Variants in SENP7 observed in about 807,000 individuals in gnomAD.
SENP7 encodes SUMO specific peptidase 7.
A neutral mutation model predicts 141.2 loss-of-function variants in SENP7; 64 were observed. That is an observed-to-expected ratio of 0.45 (90% CI 0.37 to 0.56). SENP7 has a LOEUF of 0.56. SENP7 is among the 20% of genes least tolerant of loss of function. The pLI is 0.00. For synonymous variants in SENP7, 382 were observed against 426.4 expected, an observed-to-expected ratio of 0.90 and a Z score of 1.28; for missense variants, 1,025 against 1,212.2, an observed-to-expected ratio of 0.85 and a Z score of 2.29.
intron 12 of SENP7, among the ~76,000 whole-genome samples, chr3:101,349,506 G>A (rs1232233041): frequency 6.6e-6 from 1 of 152,048 alleles, no homozygotes; most frequent in Non-Finnish European, 1.5e-5. Flanking sequence ...TGTGGTGTTT[G>A]GTTTTTTGTC....
intron 23 of SENP7, among the ~76,000 whole-genome samples, chr3:101,327,031 A>AT (rs377204007): frequency 1.1e-3 from 160 of 149,114 alleles, no homozygotes; most frequent in African/African-American, 2.4e-3. Context: ...CGTCTATTTG[A>AT]TTTTTTTTTT....
chr3:101,448,125 C>A (rs950391209), intron 4 of SENP7, among the ~76,000 whole-genome samples: 1 of 152,088 alleles, frequency 6.6e-6, no homozygotes, highest in Non-Finnish European at 1.5e-5. Flanking sequence ...AATCTAAGAG[C>A]TAAAACTATA....
chr3:101,471,307 T>C (rs570655252), intron 3 of SENP7, among the ~76,000 whole-genome samples: 10 of 151,972 alleles, frequency 6.6e-5, no homozygotes, highest in Middle Eastern at 3.4e-3. Context: ...AACAGAGATA[T>C]AGACCAATGG....
chr3:101,368,860 G>A (rs969237159), intron 7 of SENP7, among the ~76,000 whole-genome samples: 2 of 152,102 alleles, frequency 1.3e-5, no homozygotes, highest in Non-Finnish European at 2.9e-5. Context: ...ATTTTTAGTG[G>A]AAAGGGACTA....
In SENP7 at chr3:101,466,210, AT is replaced by A. The variant is rs2063753076; in HGVS notation, c.187-7159del. Among the ~76,000 whole-genome samples the A allele has an allele frequency of 2.6e-5, 4 of 152,208 alleles. No homozygotes were observed. In the South Asian group the frequency reaches 8.3e-4, roughly 31 times the overall value. ...AAATGGAAGAAAACATTTGAAAAAA[AT>A]AATAGCTGAAAACTTCCCAAGTCTT... On this transcript the variant is annotated intron_variant, in intron 3 of 23. Coordinates refer to ENST00000394095, the MANE Select transcript of SENP7 (RefSeq NM_020654.5).
At chr3:101,441,248 G>A (rs1294100997) in intron 4 of SENP7, among the ~76,000 whole-genome samples, 2 of 152,102 alleles carry the variant, frequency 1.3e-5, no homozygotes, top group East Asian at 3.9e-4. Context: ...TGCTGCCAGT[G>A]CCCAACAGCA....
At chr3:101,401,752 G>C (rs1307444188) in intron 5 of SENP7, among the ~76,000 whole-genome samples, 1 of 152,108 alleles carries the variant, frequency 6.6e-6, no homozygotes, top group African/African-American at 2.4e-5. Flanking sequence ...CAGAAGAAAA[G>C]TTGGTTTACA....
intron 4 of SENP7, among the ~76,000 whole-genome samples, chr3:101,455,034 C>G (rs1480369201): frequency 2.0e-5 from 3 of 151,982 alleles, no homozygotes. Flanking sequence ...TAAAAAAGCA[C>G]TAAAAAGTAT....
intron 4 of SENP7, among the ~76,000 whole-genome samples, chr3:101,450,445 T>C (rs1559846030): frequency 6.6e-6 from 1 of 152,094 alleles, no homozygotes; most frequent in Non-Finnish European, 1.5e-5. Context: ...TATTCCAAAA[T>C]TGATCACATA....
At chr3:101,422,455 G>A (rs2061819677) in intron 4 of SENP7, among the ~76,000 whole-genome samples, 1 of 152,114 alleles carries the variant, frequency 6.6e-6, no homozygotes, top group Non-Finnish European at 1.5e-5. Context: ...TCATTGAACT[G>A]TTTACCTTTT....
intron 3 of SENP7, among the ~76,000 whole-genome samples, chr3:101,491,766 C>A (rs76661926): frequency 6.6e-6 from 1 of 152,122 alleles, no homozygotes; most frequent in Non-Finnish European, 1.5e-5. Context: ...ATACTGAGGA[C>A]AAATCTCTCC....
chr3:101,486,434 A>C (rs573916567), intron 3 of SENP7, among the ~76,000 whole-genome samples: 1 of 152,346 alleles, frequency 6.6e-6, no homozygotes, highest in East Asian at 1.9e-4. Context: ...AGAAGCTAGA[A>C]GGGAATTGGG....
At chr3:101,421,391 A>G (rs2061787932) in intron 4 of SENP7, among the ~76,000 whole-genome samples, 1 of 152,200 alleles carries the variant, frequency 6.6e-6, no homozygotes, top group Non-Finnish European at 1.5e-5. Flanking sequence ...AATGCAAACA[A>G]AACTTTAAGG....
At chr3:101,425,712 T>G (rs1002189483) in intron 4 of SENP7, among the ~76,000 whole-genome samples, 2 of 152,076 alleles carry the variant, frequency 1.3e-5, no homozygotes, top group Non-Finnish European at 2.9e-5. Context: ...GGAATGAAAA[T>G]CATTGAGATG....
intron 4 of SENP7, chr3:101,457,744 T>C: frequency 2.4e-6 from 2 of 818,290 alleles, no homozygotes; most frequent in South Asian, 1.6e-5. Flanking sequence ...TCAGAGCAGA[T>C]AAGGGGCCAT....
intron 3 of SENP7, among the ~76,000 whole-genome samples, chr3:101,479,646 T>C (rs1576478000): frequency 6.7e-6 from 1 of 149,474 alleles, no homozygotes; most frequent in Non-Finnish European, 1.5e-5. Flanking sequence ...TATGCAGATA[T>C]GATGAACGAC....
At chr3:101,476,105 T>A (rs1378777780) in intron 3 of SENP7, among the ~76,000 whole-genome samples, 2 of 152,142 alleles carry the variant, frequency 1.3e-5, no homozygotes, top group Admixed American at 1.3e-4. Context: ...TGCCAGTTTT[T>A]TTATTATTAT....
chr3:101,346,333 A>C (rs2059452730), intron 13 of SENP7, among the ~76,000 whole-genome samples: 2 of 152,214 alleles, frequency 1.3e-5, no homozygotes, highest in Non-Finnish European at 2.9e-5. Flanking sequence ...TAGTACACCC[A>C]CTATGGAAGA....
chr3:101,367,531 G>A (rs1576112892), intron 8 of SENP7, among the ~76,000 whole-genome samples: 3 of 151,808 alleles, frequency 2.0e-5, no homozygotes, highest in African/African-American at 7.3e-5. Flanking sequence ...CTGAAATAAA[G>A]AAAAAGAAAA....
Sources: allele counts gnomAD v4.1 joint callset (sites outside exome capture counted in the v4.1 genomes callset), GRCh38; gene constraint gnomAD v4.1.1; transcripts MANE v1.5; gene names NCBI Gene and HGNC (gene_info 2026-07-23, HGNC 2026-07-21).